Variants in SATB1 observed in about 807,000 individuals in gnomAD.
The protein encoded by SATB1 is DNA-binding protein SATB1.
In SATB1, 11 loss-of-function variants were observed where a neutral mutation model predicts 86.9. The ratio of observed to expected loss-of-function variants is 0.13; its 90% confidence interval spans 0.08 to 0.21. The LOEUF is 0.21. Ranked by LOEUF, SATB1 falls within the 10% of genes least tolerant of loss-of-function variation. The probability of loss-of-function intolerance (pLI) is 1.00; values close to 1 mark genes in which losing one functional copy is unlikely to be tolerated. For synonymous variants in SATB1, 357 were observed against 357.2 expected (o/e 1.00, Z 0.01); for missense variants, 551 against 937.6 (o/e 0.59, Z 5.39).
At chr3:18,372,128 A>G (rs1695504809) in intron 9 of SATB1, among the ~76,000 whole-genome samples, 1 of 152,248 alleles carries the variant, frequency 6.6e-6, no homozygotes, top group African/African-American at 2.4e-5. Flanking sequence ...ATGAATACAT[A>G]GTTGGCATAG....
intron 9 of SATB1, among the ~76,000 whole-genome samples, chr3:18,377,110 G>A (rs972181438): frequency 5.9e-5 from 9 of 152,128 alleles, no homozygotes; most frequent in African/African-American, 2.2e-4. Context: ...TATAAATGTC[G>A]ATAGGGTAAA....
rs1694001663 is a variant in SATB1 at position 18,345,381 on chromosome 3, A to AAAC, written c.*3786_*3788dup. 6.6e-6 allele frequency: 1 copy of AAAC among 152,126 alleles called. No individual in the cohort carries two copies. Among genetic ancestry groups the AAAC allele is most frequent in the African/African-American group, 2.4e-5 (1 of 41,458 alleles). 9.4% of individuals were successfully genotyped at this position (152,126 alleles called of 1,614,324 possible). The stretch of plus-strand genomic sequence containing the variant: ...GTCTTAAAAATGTGGCTCATCTTTT[A>AAAC]AACATTAATTTCAAACTATTTTTAT... On this transcript the variant is annotated 3_prime_UTR_variant, in exon 11 of 11. Coordinates refer to ENST00000338745, the MANE Select transcript of SATB1 (RefSeq NM_002971.6).
At position 18,430,523 on chromosome 3, in the gene SATB1, C is replaced by T. The variant is rs536851191; in HGVS notation, c.-25+6266G>A. Among the ~76,000 whole-genome samples, 3 of 152,214 alleles carry T rather than the reference C, an allele frequency of 2.0e-5. No homozygotes were observed. The South Asian group carries it at 6.2e-4, about 32-fold the overall frequency. On this transcript the variant is annotated intron_variant, in intron 2 of 3. Transcript: ENST00000414509. ...AAAATCACAGTCATTCCCACCCTTA[C>T]CCCTGTACCTATATTATATAAGCAT...
At position 18,386,525 on chromosome 3, in the gene SATB1, A is replaced by C; in HGVS notation, c.1293T>G (p.Asn431Lys). 6.2e-7 allele frequency: 1 copy of C among 1,614,076 alleles called. No individual in the cohort carries two copies. The highest frequency in any genetic ancestry group is 8.5e-7 in the Non-Finnish European group (1 of 1,179,998). Residue 431 changes from asparagine to lysine, a missense_variant, in exon 8 of 11, where the codon AAT becomes AAG. Coordinates refer to ENST00000338745, the MANE Select transcript of SATB1 (RefSeq NM_002971.6). This position sits in a 1 kb window ranked among gnomAD's most constrained non-coding sequence, Gnocchi z 4.5. ...SLLVNLRAMQ[N>K]FLQLPEAERD... ...TTTCAGCTTCCGGTAACTGCAAGAA[A>C]TTCTGCATAGCCCGAAGGTTTACCA...
intron 8 of SATB1, among the ~76,000 whole-genome samples, chr3:18,383,567 G>T (rs1392751913): frequency 1.3e-5 from 2 of 152,140 alleles, no homozygotes; most frequent in Non-Finnish European, 2.9e-5. Context: ...CATTTTGGGG[G>T]AAATGAAATG....
Position 18,394,557 on chromosome 3 carries a change from C to T in SATB1, c.1111G>A (p.Val371Met), listed in dbSNP as rs759697876. The change falls in exon 7 of 11, where the codon GTG becomes ATG. Residue 371 changes from valine to methionine, a missense_variant. Val to Met is a conservative substitution (Grantham distance 21). Coordinates refer to ENST00000338745, the MANE Select transcript of SATB1 (RefSeq NM_002971.6). The surrounding 1 kb of genome is among the most constrained non-coding windows in gnomAD (Gnocchi z 5.9). ...ACCCACTGGTAGATTTCGGAAGACA[C>T]CTCTGTGTTGGTCGAAACCTGTTGC... ...LEQQVSTNTE[V>M]SSEIYQWVRD... The T allele has an allele frequency of 2.5e-6, 4 of 1,614,006 alleles. No homozygotes were observed. The highest frequency in any genetic ancestry group is 1.1e-5 in the South Asian group (1 of 91,072).
At chr3:18,372,463 A>C (rs928396494) in intron 9 of SATB1, among the ~76,000 whole-genome samples, 1 of 152,236 alleles carries the variant, frequency 6.6e-6, no homozygotes, top group Non-Finnish European at 1.5e-5. Context: ...ATAACCAGAG[A>C]TCTTCTGTTC....
intron 2 of SATB1, among the ~76,000 whole-genome samples, chr3:18,435,619 G>A (rs1699031907): frequency 6.6e-6 from 1 of 152,074 alleles, no homozygotes; most frequent in Non-Finnish European, 1.5e-5. Context: ...TTAACTGGCT[G>A]AATGTTTTCT....
intron 9 of SATB1, among the ~76,000 whole-genome samples, chr3:18,353,353 G>T (rs73175983): frequency 0.018 from 2,684 of 152,120 alleles, 62 homozygotes; most frequent in East Asian, 0.069. Flanking sequence ...GCTAGATTTT[G>T]CCTGAGACCA....
intron 5 of SATB1, among the ~76,000 whole-genome samples, chr3:18,402,018 A>T (rs947390915): frequency 9.2e-5 from 14 of 152,182 alleles, no homozygotes; most frequent in South Asian, 2.1e-4. Flanking sequence ...TAGATAGAAC[A>T]TTCTGAACCT....
Position 18,415,607 on chromosome 3 carries a change from A to C in SATB1, c.516-373T>G, listed in dbSNP as rs184338157. 4.0e-3 allele frequency among the ~76,000 whole-genome samples: 607 copies of C among 152,230 alleles called. 5 individuals are homozygous for C. The highest frequency in any genetic ancestry group is 6.1e-3 in the Non-Finnish European group (416 of 68,002). On this transcript the variant is annotated intron_variant, in intron 4 of 10. Coordinates refer to ENST00000338745, the MANE Select transcript of SATB1 (RefSeq NM_002971.6). The stretch of plus-strand genomic sequence containing the variant: ...ATTAAAAATCATAAAAAAATAAATA[A>C]ATAAATAAGACTGTGGTAATAGTGA...
chr3:18,352,417 G>A lies in SATB1; in HGVS notation c.1576-222C>T. 1 of 514,678 alleles carries A rather than the reference G, an allele frequency of 1.9e-6. No homozygotes were observed. Among genetic ancestry groups the A allele is most frequent in the South Asian group, 2.5e-5 (1 of 40,286 alleles). 31.9% of individuals were successfully genotyped at this position (514,678 alleles called of 1,614,324 possible). A position where few individuals can be genotyped will look rare whatever the true frequency, so the allele number is the denominator to read the frequency against. On this transcript the variant is annotated intron_variant, in intron 9 of 10. Coordinates refer to ENST00000338745, the MANE Select transcript of SATB1 (RefSeq NM_002971.6). The surrounding 1 kb of genome is among the most constrained non-coding windows in gnomAD (Gnocchi z 4.1). ...CAAAGTTCAGATTTGCATCTCAAAG[G>A]AGGGACATATTTTTTCAGACTCTGA...
At chr3:18,399,705 G>A (rs1006032666) in intron 5 of SATB1, among the ~76,000 whole-genome samples, 4 of 152,138 alleles carry the variant, frequency 2.6e-5, no homozygotes, top group Admixed American at 1.3e-4. Context: ...GTAAATAATA[G>A]CCTAAGCAAG....
At chr3:18,350,788 A>C (rs532441641) in intron 10 of SATB1, 1 of 155,432 alleles carries the variant, frequency 6.4e-6, no homozygotes, top group African/African-American at 2.4e-5. Flanking sequence ...CACACTTGAG[A>C]ATTTTTTTAT....
intron 1 of SATB1, among the ~76,000 whole-genome samples, chr3:18,437,949 G>C (rs1699120000): frequency 6.6e-6 from 1 of 152,098 alleles, no homozygotes; most frequent in Non-Finnish European, 1.5e-5. Context: ...TAGCCTTGTT[G>C]TTAATCCCCA....
upstream of SATB1, among the ~76,000 whole-genome samples, chr3:18,443,366 G>C (rs1699290289): frequency 6.6e-6 from 1 of 152,196 alleles, no homozygotes; most frequent in South Asian, 2.1e-4. The surrounding 1 kb of genome is among the most constrained non-coding windows in gnomAD (Gnocchi z 4.4). Context: ...TGTTTTCCCT[G>C]TCTCTTTTAT....
At chr3:18,410,867 A>C in intron 5 of SATB1, 1 of 375,888 alleles carries the variant, frequency 2.7e-6, no homozygotes, top group East Asian at 3.9e-5. Context: ...TTGTTGCTCC[A>C]ATATCATTTA....
intron 8 of SATB1, among the ~76,000 whole-genome samples, chr3:18,379,891 T>C (rs2125192243): frequency 6.6e-6 from 1 of 152,322 alleles, no homozygotes; most frequent in South Asian, 2.1e-4. Context: ...AGAGTTCCCC[T>C]TCTAGCTTTG....
intron 9 of SATB1, among the ~76,000 whole-genome samples, chr3:18,360,845 C>CA (rs997256239): frequency 6.6e-6 from 1 of 151,928 alleles, no homozygotes; most frequent in African/African-American, 2.4e-5. Flanking sequence ...ACCTGGAATT[C>CA]AAAAATAACT....
Sources: allele counts gnomAD v4.1 joint callset (sites outside exome capture counted in the v4.1 genomes callset), GRCh38; gene constraint gnomAD v4.1.1; non-coding constraint Gnocchi (gnomAD v3.1); transcripts MANE v1.5; gene names NCBI Gene and HGNC (gene_info 2026-07-23, HGNC 2026-07-21).